Variants in RRBP1 observed in about 807,000 individuals in gnomAD.
RRBP1 encodes ribosome-binding protein 1.
RRBP1 carries 94 observed loss-of-function variants against 165.2 expected under a neutral mutation model. The ratio of observed to expected loss-of-function variants is 0.57; its 90% CI spans 0.48 to 0.68. The LOEUF is 0.68. Ranked by LOEUF, RRBP1 falls within the 30% of genes least tolerant of loss-of-function variation. The pLI, the probability that RRBP1 is intolerant of heterozygous loss-of-function variation, is 0.00. For missense variants in RRBP1, 1,676 were observed against 1,763.0 expected, an observed-to-expected ratio of 0.95 and a Z score of 0.88; for synonymous variants, 680 against 714.5, an observed-to-expected ratio of 0.95 and a Z score of 0.77.
At chr20:17,619,351 G>T in intron 19 of RRBP1, 1 of 359,690 alleles carries the variant, frequency 2.8e-6, no homozygotes, top group Non-Finnish European at 5.0e-6. Context: ...GAATCCCCTT[G>T]CGGAGGGATA....
chr20:17,680,896 G>A (rs2037169092), intron 1 of RRBP1, among the ~76,000 whole-genome samples: 1 of 152,102 alleles, frequency 6.6e-6, no homozygotes, highest in Non-Finnish European at 1.5e-5. Flanking sequence ...AAGCTAACAG[G>A]AGCCCCGATT....
chr20:17,643,332 C>G lies in RRBP1; in HGVS notation c.1913-205G>C, dbSNP rs552556939. ...AAGAAACTGACTCAACGATAGGTCC[C>G]TGCACCGTCCTAACTCGCCCATAGG... On this transcript the variant is annotated intron_variant, in intron 3 of 24. Coordinates refer to ENST00000377813, the MANE Select transcript of RRBP1 (RefSeq NM_001365613.2). This position sits in a 1 kb window ranked among gnomAD's most constrained non-coding sequence, Gnocchi z 4.3. 6.6e-6 allele frequency among the ~76,000 whole-genome samples: 1 copy of G among 152,252 alleles called. No individual in the cohort carries two copies. The highest frequency in any genetic ancestry group is 2.1e-4 in the South Asian group (1 of 4,814).
At chr20:17,615,214 C>T (rs748793337) in intron 23 of RRBP1, among the ~76,000 whole-genome samples, 2 of 152,214 alleles carry the variant, frequency 1.3e-5, no homozygotes, top group Non-Finnish European at 1.5e-5. Flanking sequence ...CTTCACATTT[C>T]GACAGCCACC....
At chr20:17,627,755 C>A in intron 9 of RRBP1, 73 bp from the exon 10 acceptor site, 4 of 1,435,510 alleles carry the variant, frequency 2.8e-6, no homozygotes, top group Non-Finnish European at 3.8e-6. Context: ...GCCCTCACTG[C>A]TGCCCTCTTA....
At chr20:17,629,688 G>A (rs1451454435) in intron 9 of RRBP1, 135 bp downstream of exon 9, 2 of 903,880 alleles carry the variant, frequency 2.2e-6, no homozygotes, top group East Asian at 2.5e-5. Context: ...CTTTCTGAGG[G>A]GCAGTCAAGG....
intron 2 of RRBP1, among the ~76,000 whole-genome samples, chr20:17,666,676 A>G (rs569173987): frequency 6.6e-6 from 1 of 152,200 alleles, no homozygotes; most frequent in East Asian, 1.9e-4. Context: ...CTGGCTGAGA[A>G]CTCTGATGCA....
intron 12 of RRBP1, 38 bp from the exon 13 acceptor site, chr20:17,624,706 T>C (rs1270206059): frequency 1.4e-6 from 2 of 1,435,636 alleles, no homozygotes; most frequent in South Asian, 1.2e-5. Flanking sequence ...CAGCCTGCAC[T>C]GGCAGCACGG....
At chr20:17,625,474 C>T in intron 12 of RRBP1, 38 bp downstream of exon 12, 2 of 1,586,838 alleles carry the variant, frequency 1.3e-6, no homozygotes, top group Non-Finnish European at 1.7e-6. Flanking sequence ...CTGTGCTTCC[C>T]TGGCCCGTCC....
At chr20:17,631,768 G>T (rs551174804) in intron 8 of RRBP1, among the ~76,000 whole-genome samples, 4 of 152,368 alleles carry the variant, frequency 2.6e-5, no homozygotes, top group Admixed American at 2.6e-4. Flanking sequence ...CTCCAGGACC[G>T]AAGGTCAGCA....
intron 2 of RRBP1, among the ~76,000 whole-genome samples, chr20:17,672,896 C>G (rs1488894921): frequency 6.6e-6 from 1 of 152,162 alleles, no homozygotes; most frequent in Admixed American, 6.5e-5. Flanking sequence ...CCGTTTGAGT[C>G]CATTTACATC....
chr20:17,670,670 C>T (rs991228531), intron 2 of RRBP1, among the ~76,000 whole-genome samples: 10 of 152,170 alleles, frequency 6.6e-5, no homozygotes, highest in African/African-American at 2.4e-4. Context: ...TCTTTTTCCA[C>T]TTGCCATCAC....
intron 17 of RRBP1, 119 bp downstream of exon 17, chr20:17,620,596 G>A (rs758648103): frequency 1.2e-6 from 1 of 834,842 alleles, no homozygotes; most frequent in Non-Finnish European, 2.0e-6. Context: ...TTCATAGGGT[G>A]TCGTGGAAAA....
intron 3 of RRBP1, among the ~76,000 whole-genome samples, chr20:17,651,806 T>C (rs1267023906): frequency 6.6e-6 from 1 of 152,204 alleles, no homozygotes; most frequent in Admixed American, 6.5e-5. Flanking sequence ...AAGGCAGGTG[T>C]TCTCTGTCAA....
intron 3 of RRBP1, among the ~76,000 whole-genome samples, chr20:17,647,571 T>TA (rs370664569): frequency 2.4e-4 from 37 of 152,300 alleles, no homozygotes; most frequent in African/African-American, 8.9e-4. Flanking sequence ...ACCCTGGTCC[T>TA]AAGAGCCTAT....
chr20:17,681,362 C>A (rs2037182632), intron 1 of RRBP1, among the ~76,000 whole-genome samples: 1 of 147,522 alleles, frequency 6.8e-6, no homozygotes, highest in South Asian at 2.1e-4. Context: ...GGCCGCCCGG[C>A]GTCCGTGCCA....
At chr20:17,640,526 C>G (rs186057805) in intron 5 of RRBP1, among the ~76,000 whole-genome samples, 3 of 152,124 alleles carry the variant, frequency 2.0e-5, no homozygotes, top group African/African-American at 7.2e-5. Context: ...CCTCACAGAT[C>G]AGCATTTGGG....
At chr20:17,640,777 C>G (rs2036339903) in intron 5 of RRBP1, among the ~76,000 whole-genome samples, 1 of 152,194 alleles carries the variant, frequency 6.6e-6, no homozygotes, top group East Asian at 1.9e-4. Flanking sequence ...CTGCCCATCC[C>G]CCACCCAGTG....
intron 2 of RRBP1, among the ~76,000 whole-genome samples, chr20:17,670,400 T>C (rs984189243): frequency 7.5e-5 from 8 of 106,070 alleles, no homozygotes; most frequent in African/African-American, 1.2e-4. Context: ...TGTAGGATTC[T>C]TTTTTTTTTT....
chr20:17,616,693 G>T, intron 21 of RRBP1, 39 bp downstream of exon 21: 3 of 1,390,920 alleles, frequency 2.2e-6, no homozygotes, highest in South Asian at 1.2e-5. Flanking sequence ...ACTCTTCTGG[G>T]ATTAGTGATG....
Sources: gnomAD v4.1 joint callset for allele counts (sites outside exome capture counted in the v4.1 genomes callset) on GRCh38, gnomAD v4.1.1 for gene constraint, Gnocchi (gnomAD v3.1) non-coding constraint, MANE v1.5 for transcripts, NCBI Gene and HGNC (gene_info 2026-07-23, HGNC 2026-07-21) for gene names.